SEMA3E: variants seen among roughly 807,000 people sequenced by gnomAD.
SEMA3E encodes semaphorin-3E.
In SEMA3E, 49 loss-of-function variants were observed where a neutral mutation model predicts 93.6. The observed-to-expected ratio is 0.52, with a 90% CI of 0.42 to 0.66. The LOEUF (loss-of-function observed/expected upper bound fraction) is 0.66. Ranked by LOEUF, SEMA3E falls within the 30% of genes least tolerant of loss-of-function variation. The pLI is 0.00. For missense variants in SEMA3E, 906 were observed against 964.8 expected (o/e 0.94, Z 0.81); for synonymous variants, 363 against 330.7 (o/e 1.10, Z -1.06).
intron 5 of SEMA3E, among the ~76,000 whole-genome samples, chr7:83,416,059 C>T (rs974142529): frequency 3.9e-5 from 6 of 152,040 alleles, no homozygotes; most frequent in Non-Finnish European, 7.4e-5. Flanking sequence ...GAATTATTTT[C>T]ACTTCCTCTC....
At chr7:83,549,929 T>C (rs1329300507) in intron 1 of SEMA3E, among the ~76,000 whole-genome samples, 1 of 152,090 alleles carries the variant, frequency 6.6e-6, no homozygotes, top group Non-Finnish European at 1.5e-5. Context: ...CCAAAATCAA[T>C]CTTTTTCTAG....
intron 1 of SEMA3E, among the ~76,000 whole-genome samples, chr7:83,608,970 TA>T (rs1219633275): frequency 6.6e-6 from 1 of 152,058 alleles, no homozygotes; most frequent in Non-Finnish European, 1.5e-5. Flanking sequence ...GAAGTAAAAG[TA>T]AAGCCATCTG....
rs560087243 is a variant in SEMA3E, at chr7:83,429,724, CCACACTCCTGCA to C, written c.457-11253_457-11242del. ...TCCCCTCCCCTCTCCCTCATCCAAT[CCACACTCCTGCA>C]CAAGTGACTTTCTTTAAAGTTGCAT... On this transcript the variant is annotated intron_variant, in intron 4 of 16. Coordinates refer to ENST00000643230, the MANE Select transcript of SEMA3E (RefSeq NM_012431.3). Among the ~76,000 whole-genome samples, 528 of 152,246 alleles carry C rather than the reference CCACACTCCTGCA, an allele frequency of 3.5e-3. 4 individuals carry two copies. Among genetic ancestry groups the C allele is most frequent in the African/African-American group, 0.012 (500 of 41,542 alleles).
At position 83,418,628 on chromosome 7, in the gene SEMA3E, A is replaced by C. The variant is rs967231017; in HGVS notation, c.457-145T>G. On this transcript the variant is annotated intron_variant, in intron 4 of 16. Coordinates refer to ENST00000643230, the MANE Select transcript of SEMA3E (RefSeq NM_012431.3). ...AGTAGCATCAATTTATTTAGAGACAAACTGGGTTTTATAAATAAGCACATG... is the reference window on the plus strand; with the variant it reads ...AGTAGCATCAATTTATTTAGAGACACACTGGGTTTTATAAATAAGCACATG... 4.3e-6 allele frequency: 3 copies of C among 704,258 alleles called. No homozygotes were observed. The South Asian group carries it at 4.7e-5, about 11-fold the overall frequency. The allele number at this position is 704,258 out of a possible 1,614,324, so 43.6% of individuals were successfully genotyped here. A position where few individuals can be genotyped will look rare whatever the true frequency, so the allele number is the denominator to read the frequency against.
At chr7:83,438,773 T>C (rs1789053465) in intron 4 of SEMA3E, among the ~76,000 whole-genome samples, 2 of 152,074 alleles carry the variant, frequency 1.3e-5, no homozygotes, top group Admixed American at 1.3e-4. Flanking sequence ...TATATTTTAA[T>C]ATGTAAGATA....
intron 16 of SEMA3E, among the ~76,000 whole-genome samples, chr7:83,377,145 C>G (rs1787662341): frequency 6.6e-6 from 1 of 151,898 alleles, no homozygotes; most frequent in Non-Finnish European, 1.5e-5. Context: ...TGACTGAACT[C>G]CAAAAGAATG....
intron 1 of SEMA3E, among the ~76,000 whole-genome samples, chr7:83,620,023 C>T (rs1487410773): frequency 6.6e-6 from 1 of 151,774 alleles, no homozygotes; most frequent in African/African-American, 2.4e-5. Flanking sequence ...TAATTATGCT[C>T]ACTGAAAGTA....
chr7:83,565,433 A>G (rs528686758), intron 1 of SEMA3E, among the ~76,000 whole-genome samples: 1 of 152,230 alleles, frequency 6.6e-6, no homozygotes, highest in African/African-American at 2.4e-5. Flanking sequence ...AGGATGGGTC[A>G]ATAGGTGCAA....
chr7:83,520,786 G>A (rs1791028009), intron 1 of SEMA3E, among the ~76,000 whole-genome samples: 2 of 152,174 alleles, frequency 1.3e-5, no homozygotes, highest in East Asian at 1.9e-4. Context: ...AGTCATACTT[G>A]GGGCTAGATT....
At chr7:83,487,799 A>G (rs1790298297) in intron 2 of SEMA3E, among the ~76,000 whole-genome samples, 1 of 151,928 alleles carries the variant, frequency 6.6e-6, no homozygotes, top group South Asian at 2.1e-4. Flanking sequence ...AACTACATAG[A>G]AAATAAAGAC....
intron 4 of SEMA3E, among the ~76,000 whole-genome samples, chr7:83,427,012 A>T (rs184089172): frequency 2.0e-5 from 3 of 152,278 alleles, no homozygotes; most frequent in Admixed American, 2.0e-4. Context: ...ATAGTGTGAC[A>T]TGACACTTAT....
intron 1 of SEMA3E, among the ~76,000 whole-genome samples, chr7:83,515,323 T>C (rs1054742532): frequency 1.5e-4 from 23 of 151,824 alleles, no homozygotes; most frequent in Admixed American, 8.5e-4. Flanking sequence ...ATGTCCTAGG[T>C]TCTGAGTAAG....
At chr7:83,453,179 C>G (rs771143000) in intron 4 of SEMA3E, among the ~76,000 whole-genome samples, 13 of 151,984 alleles carry the variant, frequency 8.6e-5, no homozygotes, top group South Asian at 2.1e-4. Flanking sequence ...AGGGGCCCAC[C>G]ACCACGCCTG....
At chr7:83,643,082 G>A (rs758489757) in intron 1 of SEMA3E, among the ~76,000 whole-genome samples, 14 of 152,106 alleles carry the variant, frequency 9.2e-5, no homozygotes, top group Non-Finnish European at 1.6e-4. Flanking sequence ...TGAGCAGATT[G>A]TTAGCAATAA....
intron 4 of SEMA3E, among the ~76,000 whole-genome samples, chr7:83,449,711 G>T (rs941114285): frequency 3.9e-5 from 6 of 152,034 alleles, no homozygotes; most frequent in Admixed American, 1.3e-4. Flanking sequence ...CGTTGGTTTT[G>T]TTCTCTCTTC....
chr7:83,583,374 C>G (rs1397093847), intron 1 of SEMA3E, among the ~76,000 whole-genome samples: 1 of 152,042 alleles, frequency 6.6e-6, no homozygotes, highest in Non-Finnish European at 1.5e-5. Flanking sequence ...TGGTATCTTT[C>G]AAGATGTGAG....
At chr7:83,480,442 A>G (rs1411004517) in intron 2 of SEMA3E, among the ~76,000 whole-genome samples, 6 of 152,134 alleles carry the variant, frequency 3.9e-5, no homozygotes, top group Non-Finnish European at 8.8e-5. Flanking sequence ...AAATAAATAA[A>G]TAAAACGCTA....
chr7:83,577,542 T>C (rs1792431685), intron 1 of SEMA3E, among the ~76,000 whole-genome samples: 1 of 152,274 alleles, frequency 6.6e-6, no homozygotes, highest in East Asian at 1.9e-4. Context: ...GGAGAAATCG[T>C]TGTAATATTA....
At chr7:83,602,847 A>G (rs754756904) in intron 1 of SEMA3E, among the ~76,000 whole-genome samples, 12 of 152,226 alleles carry the variant, frequency 7.9e-5, no homozygotes, top group African/African-American at 1.2e-4. Context: ...TAATGATCCT[A>G]TACTGTAGTA....
Sources: allele counts gnomAD v4.1 joint callset (sites outside exome capture counted in the v4.1 genomes callset), GRCh38; gene constraint gnomAD v4.1.1; transcripts MANE v1.5; gene names NCBI Gene and HGNC (gene_info 2026-07-23, HGNC 2026-07-21).